Variants in ST7 observed in about 807,000 individuals in gnomAD.
The protein encoded by ST7 is suppression of tumorigenicity 7.
A neutral mutation model predicts 78.7 loss-of-function variants in ST7; 28 were observed. The observed-to-expected ratio is 0.36, with a 90% CI of 0.26 to 0.49. The LOEUF is 0.49. Among genes scored for constraint, ST7 ranks in the 20% least tolerant of loss-of-function variants. ST7 has a pLI of 0.99. For synonymous variants in ST7, 247 were observed against 249.6 expected, an observed-to-expected ratio of 0.99 and a Z score of 0.10; for missense variants, 418 against 696.0, an observed-to-expected ratio of 0.60 and a Z score of 4.49.
chr7:117,008,358 T>G (rs1795241064), intron 1 of ST7, among the ~76,000 whole-genome samples: 1 of 152,230 alleles, frequency 6.6e-6, no homozygotes, highest in African/African-American at 2.4e-5. Context: ...TTTCAGCAAT[T>G]GTTGGTGAAC....
At position 116,960,315 on chromosome 7, in the gene ST7, A is replaced by C. The variant is rs1234559840; in HGVS notation, c.151+6624A>C. 2.6e-5 allele frequency among the ~76,000 whole-genome samples: 4 copies of C among 151,964 alleles called. No homozygotes were observed. In the East Asian group the frequency reaches 7.7e-4, roughly 29 times the overall value. On this transcript the variant is annotated intron_variant, in intron 1 of 15. Coordinates refer to ENST00000323984, the MANE Select transcript of ST7 (RefSeq NM_001369598.1). ...GGTGATTCTCATGCCTCACCCTCCC[A>C]AGTAGCTGGGATTACAGGTGCATGC...
intron 10 of ST7, among the ~76,000 whole-genome samples, chr7:117,185,608 T>C (rs902615764): frequency 3.5e-4 from 53 of 152,192 alleles, no homozygotes; most frequent in Admixed American, 2.0e-4. Context: ...ACATATGTAT[T>C]TATGATAAAG....
chr7:117,130,392 A>G (rs1804247170), intron 4 of ST7, 99 bp from the exon 5 acceptor site: 1 of 720,502 alleles, frequency 1.4e-6, no homozygotes, highest in Non-Finnish European at 2.2e-6. Context: ...TTTAGTATTC[A>G]GTTAATGGTC....
chr7:117,099,796 C>T lies in ST7; in HGVS notation c.186C>T (p.Phe62=). ...SMFLNTLTPK[F]YVALTGTSSL... The stretch of plus-strand genomic sequence containing the variant: ...TTTTGAACACATTAACACCGAAGTT[C>T]TACGTGGCCCTAACAGGCACTTCCT... Residue 62 remains phenylalanine, a synonymous_variant, in exon 2 of 16, where the codon TTC becomes TTT. Transcript: ENST00000323984. 6.2e-7 allele frequency: 1 copy of T among 1,613,670 alleles called. No homozygotes were observed. Among genetic ancestry groups the T allele is most frequent in the Non-Finnish European group, 8.5e-7 (1 of 1,179,820 alleles).
rs1023017450 is a variant in ST7 at position 117,219,911 on chromosome 7, A to G, written c.1498+735A>G. Among the ~76,000 whole-genome samples, 1 of 152,220 alleles carries G rather than the reference A, an allele frequency of 6.6e-6. No individual in the cohort carries two copies. Among genetic ancestry groups the G allele is most frequent in the African/African-American group, 2.4e-5 (1 of 41,450 alleles). ...TGACAATTCAGGCTAAATGGTTATT[A>G]TCAAATCATACTATGTACAAGGATC... On this transcript the variant is annotated intron_variant, in intron 14 of 15. Coordinates refer to ENST00000323984, the MANE Select transcript of ST7 (RefSeq NM_001369598.1). This position sits in a 1 kb window ranked among gnomAD's most constrained non-coding sequence, Gnocchi z 5.1.
At chr7:117,082,024 C>G (rs941094162) in intron 1 of ST7, among the ~76,000 whole-genome samples, 1 of 152,128 alleles carries the variant, frequency 6.6e-6, no homozygotes, top group African/African-American at 2.4e-5. Context: ...TAAGCTGAAG[C>G]GGCTGTCTGC....
At chr7:117,000,875 G>T (rs917026632) in intron 1 of ST7, among the ~76,000 whole-genome samples, 2 of 152,180 alleles carry the variant, frequency 1.3e-5, no homozygotes, top group African/African-American at 4.8e-5. Flanking sequence ...GATGGTAAGA[G>T]TTATTAAAAT....
At chr7:116,974,542 C>T (rs6961972) in intron 1 of ST7, among the ~76,000 whole-genome samples, 144,099 of 152,158 alleles carry the variant, frequency 0.95, 68,755 homozygotes, top group East Asian at 1. Flanking sequence ...CCACCTGCCT[C>T]GGTCTCCCAA....
rs538917171 is a variant in ST7, at chr7:117,185,551, A to G, written c.1079-3770A>G. Among the ~76,000 whole-genome samples the G allele has an allele frequency of 3.9e-5, 6 of 152,360 alleles. 1 individual carries two copies. Among genetic ancestry groups the G allele is most frequent in the Admixed American group, 3.9e-4 (6 of 15,306 alleles). On this transcript the variant is annotated intron_variant, in intron 10 of 15. Transcript: ENST00000323984. Reference sequence around the variant, plus strand: ...TTCCAAAACCTCCAGTGGATGCCTGAAACCATGGAGAATACTGAACCCTGT... The same window carrying G: ...TTCCAAAACCTCCAGTGGATGCCTGGAACCATGGAGAATACTGAACCCTGT...
chr7:117,213,288 A>G (rs1226644834), intron 13 of ST7, among the ~76,000 whole-genome samples: 1 of 152,012 alleles, frequency 6.6e-6, no homozygotes, highest in African/African-American at 2.4e-5. Context: ...CCATTCCCCA[A>G]CTCCCTTCCA....
At chr7:117,210,514 C>G (rs1446240465) in intron 13 of ST7, among the ~76,000 whole-genome samples, 1 of 152,078 alleles carries the variant, frequency 6.6e-6, no homozygotes, top group Non-Finnish European at 1.5e-5. Context: ...TAGTATTATT[C>G]CATGTAAGGA....
intron 12 of ST7, among the ~76,000 whole-genome samples, chr7:117,206,678 T>C (rs1468806685): frequency 6.6e-6 from 1 of 152,224 alleles, no homozygotes; most frequent in Non-Finnish European, 1.5e-5. Flanking sequence ...TGGCCAACAA[T>C]GCTTTTAGAT....
intron 1 of ST7, among the ~76,000 whole-genome samples, chr7:117,006,433 G>C (rs576118021): frequency 5.2e-4 from 79 of 152,314 alleles, no homozygotes; most frequent in Non-Finnish European, 6.6e-4. Flanking sequence ...GACTCAACAA[G>C]CATTGCTAGG....
At chr7:117,092,635 C>A (rs183242374) in intron 1 of ST7, among the ~76,000 whole-genome samples, 1 of 152,234 alleles carries the variant, frequency 6.6e-6, no homozygotes, top group Non-Finnish European at 1.5e-5. Context: ...ATGATATTCT[C>A]TATTATCACA....
chr7:117,132,037 T>C, intron 6 of ST7, 77 bp downstream of exon 6: 1 of 1,353,310 alleles, frequency 7.4e-7, no homozygotes, highest in Admixed American at 1.9e-5. Flanking sequence ...ATTGATAGGA[T>C]ACTTAAATTA....
Position 117,190,034 on chromosome 7 carries a change from A to G in ST7, c.1151+641A>G, listed in dbSNP as rs1348745837. 6.3e-6 allele frequency: 1 copy of G among 157,886 alleles called. No homozygotes were observed. Among genetic ancestry groups the G allele is most frequent in the Non-Finnish European group, 1.5e-5 (1 of 68,124 alleles). The allele number at this position is 157,886 out of a possible 1,614,324, so 9.8% of individuals were successfully genotyped here. On this transcript the variant is annotated intron_variant, in intron 11 of 15. Transcript: ENST00000323984. This position sits in a 1 kb window ranked among gnomAD's most constrained non-coding sequence, Gnocchi z 5.2. ...CCCTCTGTAGCATCGAAAGCAGAGA[A>G]CAGGAAACCAGCCTCTGCTGTATCA...
intron 1 of ST7, among the ~76,000 whole-genome samples, chr7:117,067,955 A>T (rs1798727031): frequency 6.6e-6 from 1 of 152,172 alleles, no homozygotes; most frequent in South Asian, 2.1e-4. Context: ...AAATTTCATG[A>T]AGCTGGCAAA....
At chr7:117,126,313 A>G (rs1392522987) in intron 3 of ST7, among the ~76,000 whole-genome samples, 1 of 151,724 alleles carries the variant, frequency 6.6e-6, no homozygotes, top group African/African-American at 2.4e-5. Context: ...GTGTAGAATA[A>G]TATTTTCTTT....
chr7:117,044,720 C>T (rs1016401344), intron 1 of ST7, among the ~76,000 whole-genome samples: 5 of 152,108 alleles, frequency 3.3e-5, no homozygotes, highest in Non-Finnish European at 7.4e-5. Context: ...GAGTCAAACC[C>T]AGCGTTCTGT....
Sources: gnomAD v4.1 joint callset for allele counts (sites outside exome capture counted in the v4.1 genomes callset) on GRCh38, gnomAD v4.1.1 for gene constraint, Gnocchi (gnomAD v3.1) non-coding constraint, MANE v1.5 for transcripts, NCBI Gene and HGNC (gene_info 2026-07-23, HGNC 2026-07-21) for gene names.